Variants in SHOX observed in about 807,000 individuals in gnomAD.
SHOX encodes SHOX homeobox.
Under a neutral mutation model 29.6 loss-of-function variants are expected in SHOX, and 12 were observed. That is an observed-to-expected ratio of 0.41 (90% CI 0.26 to 0.66). SHOX has a LOEUF of 0.66. SHOX is among the 30% of genes least tolerant of loss of function. The pLI is 0.35. For synonymous variants in SHOX, 214 were observed against 200.6 expected, an observed-to-expected ratio of 1.07 and a Z score of -0.57; for missense variants, 499 against 437.7, an observed-to-expected ratio of 1.14 and a Z score of -1.25.
upstream of SHOX, among the ~76,000 whole-genome samples, chrX:626,920 T>C (rs2052549536): frequency 6.6e-6 from 1 of 151,672 alleles, no homozygotes; most frequent in Non-Finnish European, 1.5e-5. Context: ...TCTGTGTCTC[T>C]ACCTGTGTCT....
At chrX:624,688 C>CTTTCTTT (rs2052470203) in intron 1 of SHOX, 3 of 106,864 alleles carry the variant, frequency 2.8e-5, no homozygotes, top group African/African-American at 3.9e-5. Flanking sequence ...CTTCCTTCCT[C>CTTTCTTT]TCTTCCTCTT....
Position 636,737 on chromosome X carries a change from A to AAACATATATATACATAAAATATATATATT in SHOX, c.486+1927_486+1928insAAATATATATATTAACATATATATACATA, listed in dbSNP as rs2052764329. Among the ~76,000 whole-genome samples, 2 of 9,304 alleles carry AAACATATATATACATAAAATATATATATT rather than the reference A, an allele frequency of 2.1e-4. 1 individual carries two copies. The highest frequency in any genetic ancestry group is 6.0e-4 in the Non-Finnish European group (2 of 3,324). 6.1% of individuals were successfully genotyped at this position (9,304 alleles called of 152,430 possible). ...ATATATATACATAAAATATATATATAAACATATATATACATATAAAAATAT... is the reference window on the plus strand; with the variant it reads ...ATATATATACATAAAATATATATATAAACATATATATACATAAAATATATATATTAACATATATATACATATAAAAATAT... On this transcript the variant is annotated intron_variant, in intron 2 of 4. Transcript: ENST00000686671.
downstream of SHOX, among the ~76,000 whole-genome samples, chrX:656,384 A>G (rs1384346722): frequency 1.3e-4 from 20 of 151,236 alleles, no homozygotes; most frequent in South Asian, 6.3e-4. Flanking sequence ...GACCAACCTC[A>G]GCAACAAAGT....
At chrX:627,289 G>C (rs1192323247), upstream of SHOX, among the ~76,000 whole-genome samples, 2 of 152,270 alleles carry the variant, frequency 1.3e-5, no homozygotes, top group African/African-American at 2.4e-5. Flanking sequence ...AAAAACGTGT[G>C]GGGTAGAAAA....
At chrX:652,496 C>A (rs1164879582), downstream of SHOX, among the ~76,000 whole-genome samples, 1 of 151,792 alleles carries the variant, frequency 6.6e-6, no homozygotes, top group Non-Finnish European at 1.5e-5. Context: ...CACAGGGTTC[C>A]CACCGCGGTT....
chrX:637,076 G>A (rs1434169734), intron 2 of SHOX, among the ~76,000 whole-genome samples: 2 of 151,610 alleles, frequency 1.3e-5, no homozygotes, highest in African/African-American at 4.9e-5. Context: ...TTTACCGAGG[G>A]CTGTGGTCCC....
intron 1 of SHOX, 189 bp downstream of exon 1, chrX:631,363 GGT>G (rs1476391405): frequency 3.2e-6 from 1 of 311,618 alleles, no homozygotes; most frequent in African/African-American, 2.3e-5. Context: ...CGGAGACGCG[GGT>G]GGTGGGTAGC....
intron 4 of SHOX, among the ~76,000 whole-genome samples, chrX:643,790 G>A (rs894224521): frequency 1.4e-4 from 18 of 127,362 alleles, no homozygotes; most frequent in African/African-American, 5.6e-4. Flanking sequence ...GGGAGAGGCT[G>A]GGGGACCTGG....
intron 1 of SHOX, 61 bp downstream of exon 1, chrX:631,235 A>G: frequency 6.3e-7 from 1 of 1,590,014 alleles, no homozygotes; most frequent in East Asian, 2.2e-5. Context: ...CCTCCTCGCC[A>G]CGGAGTCGGC....
chrX:631,234 C>T (rs1397092337), intron 1 of SHOX, 60 bp downstream of exon 1: 2 of 1,590,564 alleles, frequency 1.3e-6, no homozygotes, highest in East Asian at 2.2e-5. Flanking sequence ...GCCTCCTCGC[C>T]ACGGAGTCGG....
At chrX:639,126 A>G (rs1229951458) in intron 2 of SHOX, among the ~76,000 whole-genome samples, 1 of 152,052 alleles carries the variant, frequency 6.6e-6, no homozygotes. Flanking sequence ...AGGGGGTGGA[A>G]TTTGCATGCA....
intron 2 of SHOX, 92 bp downstream of exon 2, chrX:634,918 G>T: frequency 7.4e-7 from 1 of 1,352,700 alleles, no homozygotes; most frequent in East Asian, 2.5e-5. Context: ...CGCCCGGGCC[G>T]CCGCCGTCCC....
In SHOX at chrX:649,395, T is replaced by C. The variant is rs1415646740; in HGVS notation, c.*4759T>C. On this transcript the variant is annotated 3_prime_UTR_variant, in exon 5 of 5. Transcript: ENST00000686671. ...ACTGGGCTGATGGGGACCCTCTGTA[T>C]GTGATGTGCGTGGGTTTGGTTTCCC... Among the ~76,000 whole-genome samples, 1 of 152,124 alleles carries C rather than the reference T, an allele frequency of 6.6e-6. No homozygotes were observed. Among genetic ancestry groups the C allele is most frequent in the African/African-American group, 2.4e-5 (1 of 41,438 alleles).
chrX:633,800 AC>A (rs1216485821), intron 1 of SHOX, among the ~76,000 whole-genome samples: 3 of 152,038 alleles, frequency 2.0e-5, no homozygotes, highest in Non-Finnish European at 4.4e-5. Context: ...CGAGGGAGAC[AC>A]CTTTTACTTA....
chrX:656,379 A>G (rs1288452293), downstream of SHOX, among the ~76,000 whole-genome samples: 25 of 145,858 alleles, frequency 1.7e-4, no homozygotes, highest in South Asian at 6.8e-4. Flanking sequence ...TTCGAGACCA[A>G]CCTCAGCAAC....
chrX:624,887 TTTCTTTCTTTCTTTCTCTC>T (rs1460165175), intron 1 of SHOX, among the ~76,000 whole-genome samples: 5 of 64,078 alleles, frequency 7.8e-5, no homozygotes, highest in African/African-American at 5.0e-4. Flanking sequence ...TCTTTCTTTC[TTTCTTTCTTTCTTTCTCTC>T]TTCCTTTCTT....
At chrX:632,310 A>G (rs1175521783) in intron 1 of SHOX, among the ~76,000 whole-genome samples, 1 of 151,944 alleles carries the variant, frequency 6.6e-6, no homozygotes, top group Non-Finnish European at 1.5e-5. Flanking sequence ...ATCGGGGAGT[A>G]AGAGGCTCAG....
At chrX:626,697 TTCTC>T (rs2052544523), upstream of SHOX, among the ~76,000 whole-genome samples, 1 of 144,390 alleles carries the variant, frequency 6.9e-6, no homozygotes, top group East Asian at 2.1e-4. Flanking sequence ...CTGTCTCTCT[TTCTC>T]TCTCTCATCT....
In SHOX at chrX:649,655, C is replaced by T. The variant is rs747029944; in HGVS notation, c.*5019C>T. 7.2e-5 allele frequency among the ~76,000 whole-genome samples: 11 copies of T among 152,186 alleles called. No homozygotes were observed. Among genetic ancestry groups the T allele is most frequent in the South Asian group, 4.2e-4 (2 of 4,804 alleles). On this transcript the variant is annotated 3_prime_UTR_variant, in exon 5 of 5. Coordinates refer to ENST00000686671, the MANE Select transcript of SHOX (RefSeq NM_000451.4). ...CCAGAGAGCAACGTGGGCTGTGTTC[C>T]GATGTAACGCCGTTGCAGAGAGAGG...
Sources: allele counts gnomAD v4.1 joint callset (sites outside exome capture counted in the v4.1 genomes callset), GRCh38; gene constraint gnomAD v4.1.1; transcripts MANE v1.5; gene names NCBI Gene and HGNC (gene_info 2026-07-23, HGNC 2026-07-21).